Variants in CDH20 observed in about 807,000 individuals in gnomAD.
CDH20 encodes cadherin-20.
Under a neutral mutation model 74.2 loss-of-function variants are expected in CDH20, and 29 were observed. The observed-to-expected ratio is 0.39, with a 90% CI of 0.29 to 0.53. The LOEUF (loss-of-function observed/expected upper bound fraction) is 0.53. Ranked by LOEUF, CDH20 falls within the 20% of genes least tolerant of loss-of-function variation. The pLI is 0.69. For synonymous variants in CDH20, 469 were observed against 405.4 expected (o/e 1.16, Z -1.88); for missense variants, 988 against 1,048.3 (o/e 0.94, Z 0.79).
At chr18:61,544,164 T>A (rs75731986) in intron 9 of CDH20, among the ~76,000 whole-genome samples, 92 of 152,298 alleles carry the variant, frequency 6.0e-4, no homozygotes, top group African/African-American at 2.2e-3. Flanking sequence ...AGTTCCCTTA[T>A]CCCCCTTGCA....
At chr18:61,440,517 G>A (rs1314777946) in intron 1 of CDH20, among the ~76,000 whole-genome samples, 1 of 152,158 alleles carries the variant, frequency 6.6e-6, no homozygotes, top group East Asian at 1.9e-4. Context: ...ATGTAACAAA[G>A]CAACAGACTT....
intron 6 of CDH20, among the ~76,000 whole-genome samples, chr18:61,519,168 G>A (rs1912104482): frequency 6.6e-6 from 1 of 151,298 alleles, no homozygotes; most frequent in Non-Finnish European, 1.5e-5. Context: ...AAAGTGACGG[G>A]GAGAATGGAA....
intron 1 of CDH20, among the ~76,000 whole-genome samples, chr18:61,346,628 G>T (rs542398692): frequency 6.6e-6 from 1 of 151,928 alleles, no homozygotes; most frequent in South Asian, 2.1e-4. Flanking sequence ...TTGAGGTTTT[G>T]CAAAAAAAGA....
chr18:61,496,791 C>A (rs1427263920), intron 2 of CDH20, among the ~76,000 whole-genome samples: 1 of 152,152 alleles, frequency 6.6e-6, no homozygotes, highest in African/African-American at 2.4e-5. Flanking sequence ...ATCAGCAGTG[C>A]CCTAAATTAA....
At chr18:61,524,540 A>C (rs886847644) in intron 6 of CDH20, among the ~76,000 whole-genome samples, 1 of 152,236 alleles carries the variant, frequency 6.6e-6, no homozygotes, top group Admixed American at 6.5e-5. Context: ...AATTGGAAAA[A>C]AACACAAATG....
At chr18:61,440,961 G>C (rs1909011160) in intron 1 of CDH20, among the ~76,000 whole-genome samples, 1 of 152,140 alleles carries the variant, frequency 6.6e-6, no homozygotes, top group Non-Finnish European at 1.5e-5. Flanking sequence ...ATACAGGAAA[G>C]GGTAAGAAAT....
chr18:61,373,116 T>C (rs866578761), intron 1 of CDH20, among the ~76,000 whole-genome samples: 10 of 151,790 alleles, frequency 6.6e-5, no homozygotes, highest in African/African-American at 1.2e-4. Flanking sequence ...GTTTTTCTTA[T>C]GCAAAGTTGT....
At chr18:61,463,700 G>A (rs899751159) in intron 1 of CDH20, among the ~76,000 whole-genome samples, 3 of 152,058 alleles carry the variant, frequency 2.0e-5, no homozygotes, top group Non-Finnish European at 2.9e-5. Context: ...TCTGAGTTCT[G>A]CTTCCTGGTT....
chr18:61,365,553 G>T (rs922717540), intron 1 of CDH20, among the ~76,000 whole-genome samples: 6 of 152,010 alleles, frequency 3.9e-5, no homozygotes, highest in African/African-American at 1.2e-4. Context: ...TTAATCAAAG[G>T]TTTTTTAAAC....
intron 1 of CDH20, among the ~76,000 whole-genome samples, chr18:61,395,437 G>A (rs556182763): frequency 2.1e-4 from 32 of 152,220 alleles, no homozygotes; most frequent in African/African-American, 7.2e-4. Context: ...CTTAATGACC[G>A]TCTTCTTGGT....
intron 6 of CDH20, among the ~76,000 whole-genome samples, chr18:61,509,922 C>A (rs1911720275): frequency 6.6e-6 from 1 of 152,108 alleles, no homozygotes; most frequent in African/African-American, 2.4e-5. Context: ...AAGAGTCAAC[C>A]AAGCAACAAG....
At chr18:61,502,114 A>G (rs963657593) in intron 4 of CDH20, among the ~76,000 whole-genome samples, 3 of 152,230 alleles carry the variant, frequency 2.0e-5, no homozygotes, top group African/African-American at 4.8e-5. Context: ...GTAAAGCTGT[A>G]GTAAGTAAGC....
chr18:61,476,758 C>T (rs2144394590), intron 1 of CDH20, among the ~76,000 whole-genome samples: 1 of 152,196 alleles, frequency 6.6e-6, no homozygotes, highest in Admixed American at 6.5e-5. Flanking sequence ...CTGATGGTGC[C>T]AGTCACTTCT....
chr18:61,357,332 T>C (rs544062399), intron 1 of CDH20, among the ~76,000 whole-genome samples: 20 of 152,332 alleles, frequency 1.3e-4, no homozygotes, highest in African/African-American at 4.8e-4. Flanking sequence ...CTATAATGGC[T>C]TAAATATTCT....
chr18:61,427,906 G>A (rs1276958134), intron 1 of CDH20, among the ~76,000 whole-genome samples: 1 of 152,152 alleles, frequency 6.6e-6, no homozygotes, highest in Non-Finnish European at 1.5e-5. Flanking sequence ...AACAATGCCA[G>A]GTTTATGTTA....
intron 8 of CDH20, 60 bp from the exon 9 acceptor site, chr18:61,538,964 C>CTT (rs5825446): frequency 7.4e-4 from 1,137 of 1,528,568 alleles, no homozygotes; most frequent in Non-Finnish European, 8.1e-4. Context: ...AACCATTACT[C>CTT]TTTTTTTTCT....
At chr18:61,479,515 A>T (rs749050550) in intron 1 of CDH20, among the ~76,000 whole-genome samples, 1 of 152,122 alleles carries the variant, frequency 6.6e-6, no homozygotes, top group Non-Finnish European at 1.5e-5. Flanking sequence ...AGAATAGCCA[A>T]TGTTTATTTA....
At chr18:61,493,379 C>T (rs1351797727) in intron 2 of CDH20, among the ~76,000 whole-genome samples, 1 of 152,194 alleles carries the variant, frequency 6.6e-6, no homozygotes, top group African/African-American at 2.4e-5. Flanking sequence ...GCGCATTCCT[C>T]TCCCTGAAGC....
intron 1 of CDH20, among the ~76,000 whole-genome samples, chr18:61,488,474 T>A (rs888434427): frequency 1.3e-5 from 2 of 152,144 alleles, no homozygotes; most frequent in African/African-American, 4.8e-5. Context: ...GCCTGCATGA[T>A]CCCATCAGAC....
Sources: allele counts gnomAD v4.1 joint callset (sites outside exome capture counted in the v4.1 genomes callset), GRCh38; gene constraint gnomAD v4.1.1; transcripts MANE v1.5; gene names NCBI Gene and HGNC (gene_info 2026-07-23, HGNC 2026-07-21).